The following FMN2 variants were observed in gnomAD, a reference collection of about 807,000 sequenced individuals.
FMN2 encodes the protein formin-2.
In FMN2, 51 loss-of-function variants were observed where a neutral mutation model predicts 142.3. The ratio of observed to expected loss-of-function variants is 0.36; its 90% CI spans 0.29 to 0.45. The LOEUF (loss-of-function observed/expected upper bound fraction) is 0.45. Among genes scored for constraint, FMN2 ranks in the 20% least tolerant of loss-of-function variants. FMN2 has a pLI of 1.00. For synonymous variants in FMN2, 882 were observed against 869.8 expected, an observed-to-expected ratio of 1.01 and a Z score of -0.25; for missense variants, 1,936 against 2,122.8, an observed-to-expected ratio of 0.91 and a Z score of 1.73.
chr1:240,151,433 C>T (rs983658905), intron 2 of FMN2, among the ~76,000 whole-genome samples: 2 of 152,060 alleles, frequency 1.3e-5, no homozygotes, highest in East Asian at 3.9e-4. Context: ...ACCCAACAGG[C>T]AGCTTTCATA....
intron 2 of FMN2, chr1:240,143,971 A>G: frequency 7.1e-7 from 1 of 1,402,410 alleles, no homozygotes; most frequent in South Asian, 1.2e-5. Flanking sequence ...TGTGGAGAAC[A>G]TAGTCTGAAA....
At chr1:240,415,442 G>A (rs1389468604) in intron 15 of FMN2, among the ~76,000 whole-genome samples, 2 of 151,866 alleles carry the variant, frequency 1.3e-5, no homozygotes, top group African/African-American at 2.4e-5. Flanking sequence ...GTAGATGACC[G>A]GTTGATGGGT....
At chr1:240,199,273 A>G (rs941401109) in intron 4 of FMN2, among the ~76,000 whole-genome samples, 1 of 152,210 alleles carries the variant, frequency 6.6e-6, no homozygotes, top group African/African-American at 2.4e-5. Context: ...AATTAATTAT[A>G]TATCTCATGT....
intron 14 of FMN2, among the ~76,000 whole-genome samples, chr1:240,391,175 T>G (rs190839898): frequency 1.3e-5 from 2 of 152,062 alleles, no homozygotes; most frequent in African/African-American, 4.8e-5. Context: ...CAATCTGACA[T>G]ACAAAAAGGG....
At chr1:240,202,785 GTGTA>G (rs1223661697) in intron 4 of FMN2, among the ~76,000 whole-genome samples, 1 of 152,084 alleles carries the variant, frequency 6.6e-6, no homozygotes, top group Non-Finnish European at 1.5e-5. Flanking sequence ...TCCTCTGTGT[GTGTA>G]TGTGTTTATA....
Position 240,428,743 on chromosome 1 carries a change from G to A in FMN2, c.4911-9318G>A, listed in dbSNP as rs375772382. ...TTACCTTACATACTTACCAGCTTTTGTAGTGAGAACACTTTAAATCTACTG... is the reference window on the plus strand; with the variant it reads ...TTACCTTACATACTTACCAGCTTTTATAGTGAGAACACTTTAAATCTACTG... On this transcript the variant is annotated intron_variant, in intron 15 of 17. Coordinates refer to ENST00000319653, the MANE Select transcript of FMN2 (RefSeq NM_020066.5). 1.1e-4 allele frequency among the ~76,000 whole-genome samples: 16 copies of A among 152,242 alleles called. No homozygotes were observed. In the East Asian group the frequency reaches 2.5e-3, roughly 24 times the overall value.
chr1:240,159,507 C>G (rs1038246561), intron 2 of FMN2, among the ~76,000 whole-genome samples: 16 of 152,074 alleles, frequency 1.1e-4, no homozygotes, highest in African/African-American at 3.4e-4. Context: ...CCTCACCCAT[C>G]TAAGAGTCAG....
intron 7 of FMN2, among the ~76,000 whole-genome samples, chr1:240,275,231 C>A (rs992888860): frequency 6.6e-6 from 1 of 152,002 alleles, no homozygotes; most frequent in South Asian, 2.1e-4. Flanking sequence ...TAATGCTATC[C>A]CTCCCCTAGC....
intron 7 of FMN2, among the ~76,000 whole-genome samples, chr1:240,278,432 C>T (rs1053933726): frequency 3.3e-5 from 5 of 152,106 alleles, no homozygotes; most frequent in African/African-American, 4.8e-5. Context: ...CTTTTAGCCT[C>T]GACTTTAACT....
At chr1:240,242,268 T>C (rs184315394) in intron 6 of FMN2, among the ~76,000 whole-genome samples, 1 of 152,310 alleles carries the variant, frequency 6.6e-6, no homozygotes, top group Non-Finnish European at 1.5e-5. Flanking sequence ...TGATTTCTGG[T>C]TTAACAGTGA....
chr1:240,129,447 G>C (rs192046420), intron 2 of FMN2, among the ~76,000 whole-genome samples: 5 of 146,670 alleles, frequency 3.4e-5, no homozygotes, highest in East Asian at 2.0e-4. Context: ...TGATGATTTT[G>C]TTTACCAAAA....
At chr1:240,324,789 G>T (rs1671104528) in intron 8 of FMN2, among the ~76,000 whole-genome samples, 1 of 145,846 alleles carries the variant, frequency 6.9e-6, no homozygotes. Flanking sequence ...TTTAAACCTT[G>T]CATCAAAAAA....
At chr1:240,348,743 G>A (rs1671999727) in intron 13 of FMN2, among the ~76,000 whole-genome samples, 1 of 152,138 alleles carries the variant, frequency 6.6e-6, no homozygotes, top group African/African-American at 2.4e-5. Context: ...TCTTGTGTCT[G>A]TATCTTCCCT....
At chr1:240,344,734 C>T (rs559482767) in intron 13 of FMN2, among the ~76,000 whole-genome samples, 1 of 152,208 alleles carries the variant, frequency 6.6e-6, no homozygotes, top group South Asian at 2.1e-4. Context: ...TTACTGATTG[C>T]CTGCTGTTCT....
intron 2 of FMN2, among the ~76,000 whole-genome samples, chr1:240,172,950 T>G (rs897637200): frequency 2.0e-5 from 3 of 152,088 alleles, no homozygotes; most frequent in African/African-American, 7.2e-5. Context: ...TTTTTGTTTT[T>G]TTTTAGATGG....
chr1:240,327,701 A>G (rs929896747), intron 8 of FMN2, among the ~76,000 whole-genome samples: 1 of 152,172 alleles, frequency 6.6e-6, no homozygotes, highest in Non-Finnish European at 1.5e-5. Flanking sequence ...CTTGAAGTCT[A>G]TAAAATCTCC....
At chr1:240,231,712 G>A (rs1427334284) in intron 6 of FMN2, among the ~76,000 whole-genome samples, 2 of 152,114 alleles carry the variant, frequency 1.3e-5, no homozygotes, top group Non-Finnish European at 2.9e-5. Flanking sequence ...TTTAGTTTGC[G>A]AGATTTTTTC....
chr1:240,235,917 C>G (rs1487666177), intron 6 of FMN2: 2 of 152,176 alleles, frequency 1.3e-5, no homozygotes, highest in Non-Finnish European at 2.9e-5. Flanking sequence ...ATTAGTCACT[C>G]CTGATCATTC....
chr1:240,101,813 T>C (rs1661426909), intron 1 of FMN2, among the ~76,000 whole-genome samples: 1 of 151,674 alleles, frequency 6.6e-6, no homozygotes, highest in Non-Finnish European at 1.5e-5. Flanking sequence ...TTATGTATGA[T>C]GGTTGATCGT....
Sources: allele counts gnomAD v4.1 joint callset (sites outside exome capture counted in the v4.1 genomes callset), GRCh38; gene constraint gnomAD v4.1.1; transcripts MANE v1.5; gene names NCBI Gene and HGNC (gene_info 2026-07-23, HGNC 2026-07-21).